Variants in RSPO2 observed in about 807,000 individuals in gnomAD.
RSPO2 encodes the protein R-spondin-2.
A neutral mutation model predicts 30.9 loss-of-function variants in RSPO2; 14 were observed. That is an observed-to-expected ratio of 0.45 (90% CI 0.30 to 0.71). The LOEUF (loss-of-function observed/expected upper bound fraction) is 0.71, where lower values mean the gene tolerates loss of function less well. Ranked by LOEUF, RSPO2 falls within the 30% of genes least tolerant of loss-of-function variation. RSPO2 has a pLI of 0.08. For synonymous variants in RSPO2, 107 were observed against 96.4 expected (o/e 1.11, Z -0.64); for missense variants, 264 against 301.9 (o/e 0.87, Z 0.93).
chr8:107,982,932 A>C (rs1175108559), intron 3 of RSPO2, among the ~76,000 whole-genome samples: 7 of 152,148 alleles, frequency 4.6e-5, no homozygotes, highest in Non-Finnish European at 1.0e-4. Flanking sequence ...TTGTTTGGAC[A>C]TTTGAGTTGT....
intron 2 of RSPO2, among the ~76,000 whole-genome samples, chr8:108,066,086 A>G (rs1329860670): frequency 2.0e-5 from 3 of 152,062 alleles, no homozygotes; most frequent in African/African-American, 7.3e-5. Flanking sequence ...AAGAGTGCAC[A>G]GAAACAGACA....
intron 2 of RSPO2, chr8:107,996,884 C>A (rs771780675): frequency 2.2e-6 from 1 of 452,874 alleles, no homozygotes; most frequent in South Asian, 1.6e-5. Flanking sequence ...CAGACTTAAA[C>A]AATGAAAATG....
At chr8:107,962,437 T>G (rs2130445697) in intron 3 of RSPO2, among the ~76,000 whole-genome samples, 1 of 152,284 alleles carries the variant, frequency 6.6e-6, no homozygotes, top group East Asian at 1.9e-4. Context: ...TCTAAAATGT[T>G]ACCAAATTTA....
intron 5 of RSPO2, among the ~76,000 whole-genome samples, chr8:107,902,836 T>C (rs1586524409): frequency 6.6e-6 from 1 of 152,206 alleles, no homozygotes; most frequent in African/African-American, 2.4e-5. Context: ...AATGAGAACA[T>C]GATCATGCCC....
intron 2 of RSPO2, among the ~76,000 whole-genome samples, chr8:108,013,359 G>C (rs988110999): frequency 8.5e-5 from 13 of 152,212 alleles, no homozygotes; most frequent in Non-Finnish European, 1.5e-4. Context: ...AAGCTCAAAG[G>C]CTTGCCCTAA....
intron 2 of RSPO2, among the ~76,000 whole-genome samples, chr8:108,043,461 AGT>A (rs1811815555): frequency 1.3e-5 from 2 of 152,170 alleles, no homozygotes; most frequent in African/African-American, 4.8e-5. Flanking sequence ...GTGTCAAAGA[AGT>A]CATACTTGGT....
chr8:107,982,379 C>T (rs1814473333), intron 3 of RSPO2, among the ~76,000 whole-genome samples: 1 of 152,164 alleles, frequency 6.6e-6, no homozygotes, highest in African/African-American at 2.4e-5. Flanking sequence ...GAGGTAGATA[C>T]TTCATAAATT....
chr8:107,943,798 A>G (rs970005785), intron 5 of RSPO2, among the ~76,000 whole-genome samples: 12 of 152,240 alleles, frequency 7.9e-5, no homozygotes, highest in African/African-American at 1.9e-4. Flanking sequence ...AAATTACTCA[A>G]GTTAGCAATA....
intron 5 of RSPO2, among the ~76,000 whole-genome samples, chr8:107,930,920 C>T (rs1812534593): frequency 6.6e-6 from 1 of 152,304 alleles, no homozygotes; most frequent in African/African-American, 2.4e-5. Flanking sequence ...GCTAAACTAT[C>T]AAGCAGGATT....
chr8:107,989,079 G>A lies in RSPO2; in HGVS notation c.260C>T (p.Ala87Val), dbSNP rs2130524828. ...ACTTGCACATCTGTTCATATCTGGG[G>A]CTCGGTGTCCATAGTACCCGGATGG... ...SCPSGYYGHR[A>V]PDMNRCARCR... The change falls in exon 3 of 6, where the codon GCC becomes GTC. Residue 87 changes from alanine to valine, a missense_variant. Transcript: ENST00000276659. The A allele has an allele frequency of 1.9e-6, 3 of 1,607,698 alleles. No homozygotes were observed. Among genetic ancestry groups the A allele is most frequent in the East Asian group, 2.2e-5 (1 of 44,680 alleles).
At chr8:107,952,442 A>G (rs913253481) in intron 5 of RSPO2, among the ~76,000 whole-genome samples, 1 of 152,204 alleles carries the variant, frequency 6.6e-6, no homozygotes, top group African/African-American at 2.4e-5. Flanking sequence ...CATAGCAAAC[A>G]GAAAGACAAT....
intron 3 of RSPO2, among the ~76,000 whole-genome samples, chr8:107,970,800 C>T (rs959203793): frequency 3.3e-5 from 5 of 152,188 alleles, no homozygotes; most frequent in African/African-American, 7.2e-5. Context: ...AAGAATTTTA[C>T]GAAGCCATAT....
intron 5 of RSPO2, among the ~76,000 whole-genome samples, chr8:107,952,434 T>C (rs1813284952): frequency 1.3e-5 from 2 of 152,116 alleles, no homozygotes; most frequent in Non-Finnish European, 2.9e-5. Context: ...ACTTTTATCA[T>C]AGCAAACAGA....
intron 4 of RSPO2, among the ~76,000 whole-genome samples, chr8:107,959,874 A>G (rs1349373595): frequency 6.6e-6 from 1 of 152,208 alleles, no homozygotes; most frequent in Non-Finnish European, 1.5e-5. Flanking sequence ...CAATATTTTC[A>G]TAGAAAAATG....
intron 5 of RSPO2, among the ~76,000 whole-genome samples, chr8:107,945,567 T>A (rs951998459): frequency 6.6e-6 from 1 of 152,154 alleles, no homozygotes; most frequent in South Asian, 2.1e-4. Flanking sequence ...TTATTTCTAT[T>A]GTATGCCCCA....
At chr8:108,045,753 T>C (rs1383392870) in intron 2 of RSPO2, among the ~76,000 whole-genome samples, 1 of 152,136 alleles carries the variant, frequency 6.6e-6, no homozygotes, top group African/African-American at 2.4e-5. Flanking sequence ...GTTATACTGA[T>C]ACATACATCT....
intron 2 of RSPO2, 135 bp from the exon 3 acceptor site, chr8:107,989,379 C>T (rs1814772224): frequency 2.2e-5 from 13 of 592,448 alleles, no homozygotes; most frequent in Non-Finnish European, 1.9e-5. Flanking sequence ...ATATCCCTCC[C>T]CTTCTTCCCT....
intron 2 of RSPO2, among the ~76,000 whole-genome samples, chr8:108,060,722 C>G (rs1812428835): frequency 6.6e-6 from 1 of 151,538 alleles, no homozygotes; most frequent in African/African-American, 2.4e-5. Context: ...AACTCCAAGA[C>G]ACGTAATTGT....
At chr8:107,968,155 C>A (rs1813875036) in intron 3 of RSPO2, among the ~76,000 whole-genome samples, 1 of 152,054 alleles carries the variant, frequency 6.6e-6, no homozygotes, top group Non-Finnish European at 1.5e-5. Context: ...ATGTTTATTG[C>A]AGCACTATTT....
Sources: gnomAD v4.1 joint callset for allele counts (sites outside exome capture counted in the v4.1 genomes callset) on GRCh38, gnomAD v4.1.1 for gene constraint, MANE v1.5 for transcripts, NCBI Gene and HGNC (gene_info 2026-07-23, HGNC 2026-07-21) for gene names.